Variants in RSPH3 observed in about 807,000 individuals in gnomAD.
The protein encoded by RSPH3 is radial spoke head 3, also known as radial spoke head protein 3 homolog.
A neutral mutation model predicts 43.8 loss-of-function variants in RSPH3; 21 were observed. That is an observed-to-expected ratio of 0.48 (90% CI 0.34 to 0.69). RSPH3 has a LOEUF of 0.69. Ranked by LOEUF, RSPH3 falls within the 30% of genes least tolerant of loss-of-function variation. The pLI is 0.01. For synonymous variants in RSPH3, 173 were observed against 179.8 expected (o/e 0.96, Z 0.30); for missense variants, 487 against 516.0 (o/e 0.94, Z 0.54).
At chr6:158,979,323 T>C (rs1777951052) in intron 6 of RSPH3, among the ~76,000 whole-genome samples, 1 of 152,200 alleles carries the variant, frequency 6.6e-6, no homozygotes, top group Non-Finnish European at 1.5e-5. Context: ...ATGAATTTCA[T>C]TTGCAAGCTT....
At chr6:158,972,021 G>A (rs1319886039), downstream of RSPH3, among the ~76,000 whole-genome samples, 1 of 151,874 alleles carries the variant, frequency 6.6e-6, no homozygotes, top group African/African-American at 2.4e-5. Flanking sequence ...AACTTGGGGG[G>A]GATAAAGAAA....
intron 2 of RSPH3, among the ~76,000 whole-genome samples, chr6:158,991,042 G>T (rs1384486159): frequency 6.6e-6 from 1 of 151,840 alleles, no homozygotes; most frequent in African/African-American, 2.4e-5. Flanking sequence ...GTATTTTTCA[G>T]TTCTATAAGT....
Position 158,999,741 on chromosome 6 carries a change from TCGCTCCCAGCACCACAGAGACCAGCTGCG to T in RSPH3, c.-220_-192del. On this transcript the variant is annotated 5_prime_UTR_variant, in exon 1 of 8. It introduces an in-frame stop codon into an upstream open reading frame of the 5' UTR. Transcript: ENST00000367069. ...GCAGGAGGTGGGAGCTATACTGGGC[TCGCTCCCAGCACCACAGAGACCAGCTGCG>T]GGGGCCGCATCGGTTGCCCAGCAAC... 1 of 1,611,600 alleles carries T rather than the reference TCGCTCCCAGCACCACAGAGACCAGCTGCG, an allele frequency of 6.2e-7. No individual in the cohort carries two copies. The highest frequency in any genetic ancestry group is 8.5e-7 in the Non-Finnish European group (1 of 1,178,390).
rs1777715610 is a variant in RSPH3, at chr6:158,972,891, T to C, written c.*4647A>G. On this transcript the variant is annotated 3_prime_UTR_variant, in exon 8 of 8. Coordinates refer to ENST00000367069, the MANE Select transcript of RSPH3 (RefSeq NM_031924.8). ...GAACATCATCTAAATGATCAGTTTA[T>C]TGAATTTTAGTAATGTAAGTTGAGA... 1 of 152,258 alleles carries C rather than the reference T, an allele frequency of 6.6e-6. No homozygotes were observed. Among genetic ancestry groups the C allele is most frequent in the Non-Finnish European group, 1.5e-5 (1 of 68,048 alleles). 9.4% of individuals were successfully genotyped at this position (152,258 alleles called of 1,614,324 possible).
In RSPH3 at chr6:158,978,689, C is replaced by T. The variant is rs138928342; in HGVS notation, c.860-343G>A. Reference sequence around the variant, plus strand: ...CTGAGTAGCTGGGACGACAGGCACACGCCACCACACCTGGCTAATTTTTGT... The same window carrying T: ...CTGAGTAGCTGGGACGACAGGCACATGCCACCACACCTGGCTAATTTTTGT... On this transcript the variant is annotated intron_variant, in intron 6 of 7. Transcript: ENST00000367069. Among the ~76,000 whole-genome samples, 828 of 152,210 alleles carry T rather than the reference C, an allele frequency of 5.4e-3. 6 individuals are homozygous for T. Among genetic ancestry groups the T allele is most frequent in the African/African-American group, 0.019 (800 of 41,526 alleles).
intron 2 of RSPH3, among the ~76,000 whole-genome samples, chr6:158,993,352 G>A (rs1778482849): frequency 6.6e-6 from 1 of 151,508 alleles, no homozygotes; most frequent in African/African-American, 2.4e-5. Context: ...TCCTGACCTC[G>A]TGAGCTGCCC....
intron 3 of RSPH3, among the ~76,000 whole-genome samples, chr6:158,984,061 G>A (rs1190602201): frequency 6.6e-6 from 1 of 152,056 alleles, no homozygotes; most frequent in Non-Finnish European, 1.5e-5. Flanking sequence ...TTGAACCTGG[G>A]AGGTGGAGGT....
At chr6:158,991,504 T>C (rs1222799399) in intron 2 of RSPH3, among the ~76,000 whole-genome samples, 1 of 152,240 alleles carries the variant, frequency 6.6e-6, no homozygotes, top group African/African-American at 2.4e-5. Flanking sequence ...TTCTAGGCTC[T>C]GTCGACACTG....
At chr6:158,970,853 T>C (rs1227457067), downstream of RSPH3, among the ~76,000 whole-genome samples, 3 of 152,122 alleles carry the variant, frequency 2.0e-5, no homozygotes, top group Non-Finnish European at 4.4e-5. Flanking sequence ...CCCAGCCAAA[T>C]GTCAAAGCTT....
chr6:158,988,491 A>T (rs1164825540), intron 2 of RSPH3, among the ~76,000 whole-genome samples: 1 of 152,166 alleles, frequency 6.6e-6, no homozygotes, highest in Non-Finnish European at 1.5e-5. Flanking sequence ...GCTCTTGCTC[A>T]ATTCCCTCTT....
chr6:158,982,603 T>C lies in RSPH3; in HGVS notation c.578A>G (p.Glu193Gly). The change falls in exon 5 of 8, where the codon GAA becomes GGA. Residue 193 changes from glutamate to glycine, a missense_variant. By Grantham distance (98) the Glu-to-Gly change is moderately conservative. Coordinates refer to ENST00000367069, the MANE Select transcript of RSPH3 (RefSeq NM_031924.8). The stretch of plus-strand genomic sequence containing the variant: ...CCGCAGGTTAGCCAGCTCTTCTTCT[T>C]CCATTACTTCCAGAAGAGACTGCTC... ...TIEQSLLEVMEEEELANLRAS... is the reference protein window; with the variant it reads ...TIEQSLLEVMGEEELANLRAS... 1 of 1,613,752 alleles carries C rather than the reference T, an allele frequency of 6.2e-7. No homozygotes were observed. Among genetic ancestry groups the C allele is most frequent in the South Asian group, 1.1e-5 (1 of 91,054 alleles).
intron 1 of RSPH3, among the ~76,000 whole-genome samples, chr6:158,996,575 T>C (rs1314140027): frequency 6.6e-6 from 1 of 152,232 alleles, no homozygotes; most frequent in Non-Finnish European, 1.5e-5. Flanking sequence ...AGCCCAGTTA[T>C]ATATACCCAA....
Position 158,974,663 on chromosome 6 carries a change from T to C in RSPH3, c.*2875A>G, listed in dbSNP as rs1159611892. The C allele has an allele frequency of 6.6e-6, 1 of 152,202 alleles. No individual in the cohort carries two copies. Among genetic ancestry groups the C allele is most frequent in the Non-Finnish European group, 1.5e-5 (1 of 68,042 alleles). 9.4% of individuals were successfully genotyped at this position (152,202 alleles called of 1,614,324 possible). ...GATTTCTCTCTAGGATGGACTAGGATTGCAATTAAGCTTAACCAGTTCAGT... is the reference window on the plus strand; with the variant it reads ...GATTTCTCTCTAGGATGGACTAGGACTGCAATTAAGCTTAACCAGTTCAGT... On this transcript the variant is annotated 3_prime_UTR_variant, in exon 8 of 8. Transcript: ENST00000367069.
intron 3 of RSPH3, among the ~76,000 whole-genome samples, chr6:158,985,843 T>C (rs551629385): frequency 6.9e-4 from 105 of 151,762 alleles, no homozygotes; most frequent in Non-Finnish European, 8.8e-4. Flanking sequence ...GATGGACTTT[T>C]GCTTTTGTCA....
chr6:158,984,489 T>C (rs1778159322), intron 3 of RSPH3, among the ~76,000 whole-genome samples: 1 of 133,990 alleles, frequency 7.5e-6, no homozygotes, highest in Non-Finnish European at 1.6e-5. Flanking sequence ...AGTCCTAAGA[T>C]AGTAAACATA....
intron 5 of RSPH3, 37 bp from the exon 6 acceptor site, chr6:158,980,973 T>C (rs1037851670): frequency 1.2e-6 from 2 of 1,606,508 alleles, no homozygotes; most frequent in Middle Eastern, 1.7e-4. Context: ...TTAGCTCTTA[T>C]GCCCTCCCCA....
At chr6:158,978,139 A>G in intron 7 of RSPH3, 121 bp downstream of exon 7, 2 of 688,302 alleles carry the variant, frequency 2.9e-6, no homozygotes, top group Admixed American at 2.9e-5. Flanking sequence ...ACTTTTATTA[A>G]TACAATTGAT....
chr6:158,982,021 G>T (rs188646842), intron 5 of RSPH3, among the ~76,000 whole-genome samples: 1 of 151,514 alleles, frequency 6.6e-6, no homozygotes, highest in East Asian at 1.9e-4. Flanking sequence ...TGTCACCAAG[G>T]GTATAAAGAA....
chr6:158,998,343 C>A, intron 1 of RSPH3, among the ~76,000 whole-genome samples: 1 of 147,152 alleles, frequency 6.8e-6, no homozygotes, highest in African/African-American at 2.5e-5. Flanking sequence ...GTGGCGGGCG[C>A]CTGTAGTCCC....
Sources: allele counts gnomAD v4.1 joint callset (sites outside exome capture counted in the v4.1 genomes callset), GRCh38; gene constraint gnomAD v4.1.1; transcripts MANE v1.5; gene names NCBI Gene and HGNC (gene_info 2026-07-23, HGNC 2026-07-21).